PLXNA4: variants seen among roughly 807,000 people sequenced by gnomAD.
PLXNA4 encodes plexin A4.
Under a neutral mutation model 191.8 loss-of-function variants are expected in PLXNA4, and 44 were observed. That is an observed-to-expected ratio of 0.23 (90% confidence interval 0.18 to 0.29). The LOEUF (loss-of-function observed/expected upper bound fraction) is 0.29, where lower values mean the gene tolerates loss of function less well. Ranked by LOEUF, PLXNA4 falls within the 10% of genes least tolerant of loss-of-function variation. The pLI is 1.00. For synonymous variants in PLXNA4, 1,082 were observed against 1,009.5 expected (o/e 1.07, Z -1.36); for missense variants, 1,800 against 2,488.8 (o/e 0.72, Z 5.89).
intron 2 of PLXNA4, among the ~76,000 whole-genome samples, chr7:132,621,391 G>A (rs1803263752): frequency 6.6e-6 from 1 of 151,786 alleles, no homozygotes; most frequent in African/African-American, 2.4e-5. Flanking sequence ...CTCCCAAGTA[G>A]CTAGGACTAC....
At chr7:132,479,261 C>T (rs1797246626) in intron 3 of PLXNA4, among the ~76,000 whole-genome samples, 2 of 149,454 alleles carry the variant, frequency 1.3e-5, no homozygotes, top group Admixed American at 1.3e-4. Context: ...AGAGCAAGAC[C>T]CTATCTCTTT....
At chr7:132,171,625 G>T (rs190861952) in intron 21 of PLXNA4, among the ~76,000 whole-genome samples, 264 of 152,310 alleles carry the variant, frequency 1.7e-3, no homozygotes, top group Non-Finnish European at 3.2e-3. Context: ...TGGGATTCTT[G>T]CGAGGCTGCC....
At chr7:132,322,308 A>C (rs1439017488) in intron 3 of PLXNA4, among the ~76,000 whole-genome samples, 2 of 151,722 alleles carry the variant, frequency 1.3e-5, no homozygotes, top group Non-Finnish European at 2.9e-5. Flanking sequence ...CTGCCTCCCA[A>C]GTAGCTGAGA....
intron 27 of PLXNA4, among the ~76,000 whole-genome samples, chr7:132,147,377 T>C (rs1203906707): frequency 6.6e-6 from 1 of 152,160 alleles, no homozygotes; most frequent in Non-Finnish European, 1.5e-5. Context: ...CCAAGGCTCA[T>C]AGTGGTCAGA....
chr7:132,136,669 C>G (rs1221113255), intron 30 of PLXNA4, among the ~76,000 whole-genome samples: 1 of 152,166 alleles, frequency 6.6e-6, no homozygotes, highest in African/African-American at 2.4e-5. Flanking sequence ...AAATCCTGGG[C>G]CCAGAGAGTG....
chr7:132,492,219 C>T (rs1797837809), intron 2 of PLXNA4, among the ~76,000 whole-genome samples: 9 of 152,230 alleles, frequency 5.9e-5, no homozygotes, highest in Admixed American at 5.9e-4. Context: ...CCCACCACCT[C>T]TGCCACAAAC....
At chr7:132,510,761 G>C (rs1217471110) in intron 1 of PLXNA4, among the ~76,000 whole-genome samples, 1 of 152,208 alleles carries the variant, frequency 6.6e-6, no homozygotes, top group African/African-American at 2.4e-5. Context: ...CGAAGGGAAA[G>C]ACCTTCTAGG....
chr7:132,375,407 C>A (rs1001616888), intron 3 of PLXNA4, among the ~76,000 whole-genome samples: 2 of 152,138 alleles, frequency 1.3e-5, no homozygotes, highest in African/African-American at 4.8e-5. Flanking sequence ...AAGAATAATG[C>A]CACATGGACT....
At chr7:132,297,431 C>T (rs765716449) in intron 4 of PLXNA4, among the ~76,000 whole-genome samples, 8 of 152,292 alleles carry the variant, frequency 5.3e-5, no homozygotes, top group Non-Finnish European at 1.2e-4. Flanking sequence ...CTGGCCTGAG[C>T]TCAGGGACTC....
intron 4 of PLXNA4, among the ~76,000 whole-genome samples, chr7:132,255,785 C>CT (rs2116192280): frequency 6.6e-6 from 1 of 152,318 alleles, no homozygotes; most frequent in Non-Finnish European, 1.5e-5. Flanking sequence ...CTGTCTCTTT[C>CT]TCTCCTCTCT....
At chr7:132,437,569 G>GAAAAAAA (rs58252362) in intron 3 of PLXNA4, among the ~76,000 whole-genome samples, 1 of 138,368 alleles carries the variant, frequency 7.2e-6, no homozygotes. Context: ...GGAAAAAAAA[G>GAAAAAAA]AAAAAAAAAA....
Position 132,457,914 on chromosome 7 carries a change from G to A in PLXNA4, c.1371+31378C>T, listed in dbSNP as rs554808921. On this transcript the variant is annotated intron_variant, in intron 3 of 31. Transcript: ENST00000321063. Reference sequence around the variant, plus strand: ...AATTCTCCTCTGGAGGCTCCAGCAGGAATGTGGCCTTGTGCGCACCTTGGT... The same window carrying A: ...AATTCTCCTCTGGAGGCTCCAGCAGAAATGTGGCCTTGTGCGCACCTTGGT... Among the ~76,000 whole-genome samples the A allele has an allele frequency of 7.9e-5, 12 of 152,342 alleles. No homozygotes were observed. In the South Asian group the frequency reaches 1.2e-3, roughly 16 times the overall value.
At chr7:132,368,497 C>A (rs1238281890) in intron 3 of PLXNA4, among the ~76,000 whole-genome samples, 1 of 152,158 alleles carries the variant, frequency 6.6e-6, no homozygotes, top group Non-Finnish European at 1.5e-5. Context: ...CCCCACTGAC[C>A]TGGGGACCAG....
intron 3 of PLXNA4, among the ~76,000 whole-genome samples, chr7:132,335,772 G>T (rs1005846861): frequency 9.2e-5 from 14 of 152,352 alleles, no homozygotes; most frequent in African/African-American, 2.4e-4. Flanking sequence ...CATTACCAAA[G>T]ATGAGAGACT....
At chr7:132,536,133 T>C (rs781435105) in intron 1 of PLXNA4, among the ~76,000 whole-genome samples, 8 of 152,236 alleles carry the variant, frequency 5.3e-5, no homozygotes, top group Non-Finnish European at 1.2e-4. Context: ...TAATAGGACA[T>C]ACTGCATTGG....
intron 2 of PLXNA4, among the ~76,000 whole-genome samples, chr7:132,598,930 C>T (rs944160083): frequency 3.9e-5 from 6 of 152,200 alleles, no homozygotes; most frequent in African/African-American, 7.2e-5. Context: ...TTTAATCCGT[C>T]TCTAGGTCAC....
At chr7:132,492,685 C>T (rs275836) in intron 2 of PLXNA4, among the ~76,000 whole-genome samples, 1 of 151,962 alleles carries the variant, frequency 6.6e-6, no homozygotes, top group East Asian at 1.9e-4. Context: ...AAGATTGAAA[C>T]AGTGGAAAAA....
At chr7:132,529,680 A>G (rs1799549503) in intron 1 of PLXNA4, among the ~76,000 whole-genome samples, 1 of 145,862 alleles carries the variant, frequency 6.9e-6, no homozygotes, top group African/African-American at 2.6e-5. Context: ...ATCTCGGCTC[A>G]CTGCAAGCTC....
chr7:132,351,785 TGG>T (rs1325824368), intron 3 of PLXNA4, among the ~76,000 whole-genome samples: 1 of 152,008 alleles, frequency 6.6e-6, no homozygotes, highest in African/African-American at 2.4e-5. Context: ...GGAAGCAATG[TGG>T]GGGAAGATGC....
Sources: gnomAD v4.1 joint callset for allele counts (sites outside exome capture counted in the v4.1 genomes callset) on GRCh38, gnomAD v4.1.1 for gene constraint, MANE v1.5 for transcripts, NCBI Gene and HGNC (gene_info 2026-07-23, HGNC 2026-07-21) for gene names.